AGAP1: variants seen among roughly 807,000 people sequenced by gnomAD.
AGAP1 encodes ArfGAP with GTPase domain, ankyrin repeat and PH domain 1.
AGAP1 carries 29 observed loss-of-function variants against 105.3 expected under a neutral mutation model. The observed-to-expected ratio is 0.28, with a 90% CI of 0.21 to 0.38. The LOEUF is 0.38. Ranked by LOEUF, AGAP1 falls within the 10% of genes least tolerant of loss-of-function variation. The pLI is 1.00. For missense variants in AGAP1, 998 were observed against 1,165.1 expected (o/e 0.86, Z 2.09); for synonymous variants, 509 against 485.9 (o/e 1.05, Z -0.63).
At position 235,792,283 on chromosome 2, in the gene AGAP1, C is replaced by T. The variant is rs115581508; in HGVS notation, c.674-5476C>T. 1.8e-3 allele frequency among the ~76,000 whole-genome samples: 277 copies of T among 152,266 alleles called. 3 individuals carry two copies. Among genetic ancestry groups the T allele is most frequent in the African/African-American group, 6.4e-3 (266 of 41,538 alleles). On this transcript the variant is annotated intron_variant, in intron 6 of 17. Transcript: ENST00000304032. This position sits in a 1 kb window ranked among gnomAD's most constrained non-coding sequence, Gnocchi z 5.3. ...CTTAGTTCTCTGCCCCCACTTTTCC[C>T]CACCCTTCACGTGTCATCTGGTCCC...
intron 1 of AGAP1, among the ~76,000 whole-genome samples, chr2:235,619,567 C>T (rs976193869): frequency 6.6e-6 from 1 of 152,082 alleles, no homozygotes; most frequent in African/African-American, 2.4e-5. Context: ...CTGGTCAATC[C>T]TGGGGCTGCT....
In AGAP1 at chr2:236,040,942, G is replaced by A. The variant is rs1196710348; in HGVS notation, c.1891+101G>A. ...AGGGGACTCACATCTGTCCTGTTTGGCAGATAAGAGTTAACTGCTTTTAGG... is the reference window on the plus strand; with the variant it reads ...AGGGGACTCACATCTGTCCTGTTTGACAGATAAGAGTTAACTGCTTTTAGG... On this transcript the variant is annotated intron_variant, in intron 15 of 17. Coordinates refer to ENST00000304032, the MANE Select transcript of AGAP1 (RefSeq NM_001037131.3). This position sits in a 1 kb window ranked among gnomAD's most constrained non-coding sequence, Gnocchi z 5.6. 7.7e-6 allele frequency: 9 copies of A among 1,163,026 alleles called. No homozygotes were observed. Among genetic ancestry groups the A allele is most frequent in the Admixed American group, 6.3e-5 (3 of 47,462 alleles). The allele number at this position is 1,163,026 out of a possible 1,614,324, so 72.0% of individuals were successfully genotyped here.
At chr2:236,106,967 G>A (rs867178048) in intron 16 of AGAP1, among the ~76,000 whole-genome samples, 2 of 152,110 alleles carry the variant, frequency 1.3e-5, no homozygotes, top group African/African-American at 2.4e-5. Flanking sequence ...GGGAAGCTGG[G>A]CCAAGGCCAT....
chr2:235,859,500 A>C (rs2048835705), intron 9 of AGAP1, among the ~76,000 whole-genome samples: 1 of 147,364 alleles, frequency 6.8e-6, no homozygotes, highest in Non-Finnish European at 1.5e-5. Flanking sequence ...AGGAACGACT[A>C]ATTGGTATGA....
chr2:235,588,379 A>G (rs551159170), intron 1 of AGAP1, among the ~76,000 whole-genome samples: 1 of 152,282 alleles, frequency 6.6e-6, no homozygotes, highest in Admixed American at 6.5e-5. Context: ...CCACTTCTCT[A>G]CACTCAACCA....
At position 235,724,589 on chromosome 2, in the gene AGAP1, G is replaced by A. The variant is rs754494330; in HGVS notation, c.310+6945G>A. The stretch of plus-strand genomic sequence containing the variant: ...GGAAAAGGTACCTGCGGTGGTGGGG[G>A]GAGGGGGAGTTCCCTATGTAAAGAA... On this transcript the variant is annotated intron_variant, in intron 3 of 17. Transcript: ENST00000304032. The surrounding 1 kb of genome is among the most constrained non-coding windows in gnomAD (Gnocchi z 4.9). Among the ~76,000 whole-genome samples the A allele has an allele frequency of 2.8e-4, 43 of 152,290 alleles. No individual in the cohort carries two copies. Among genetic ancestry groups the A allele is most frequent in the Middle Eastern group, 3.4e-3 (1 of 294 alleles).
At chr2:235,673,318 A>C (rs1456217298) in intron 1 of AGAP1, among the ~76,000 whole-genome samples, 2 of 152,188 alleles carry the variant, frequency 1.3e-5, no homozygotes, top group East Asian at 1.9e-4. Context: ...TTAGGTGAGA[A>C]TCTCTAAGGT....
intron 16 of AGAP1, among the ~76,000 whole-genome samples, chr2:236,116,357 C>CTTTTTTTTTTTTTTTTTTTTT (rs371846381): frequency 7.7e-6 from 1 of 129,146 alleles, no homozygotes; most frequent in African/African-American, 2.8e-5. Context: ...TAATTAAGTT[C>CTTTTTTTTTTTTTTTTTTTTT]TTTTTTTTTT....
intron 1 of AGAP1, among the ~76,000 whole-genome samples, chr2:235,696,476 G>A (rs997552318): frequency 1.3e-5 from 2 of 152,196 alleles, no homozygotes; most frequent in Non-Finnish European, 2.9e-5. Context: ...GGGTGCCCCA[G>A]CTTCCACGCT....
At chr2:235,742,408 A>G (rs549630051) in intron 4 of AGAP1, among the ~76,000 whole-genome samples, 4 of 152,358 alleles carry the variant, frequency 2.6e-5, no homozygotes, top group African/African-American at 9.6e-5. Flanking sequence ...TTCTGATTTC[A>G]AAGCTGTTAA....
At chr2:235,697,485 C>T (rs753993830) in intron 1 of AGAP1, among the ~76,000 whole-genome samples, 4 of 152,166 alleles carry the variant, frequency 2.6e-5, no homozygotes, top group Non-Finnish European at 5.9e-5. Context: ...CAGGGGGGAC[C>T]AATACCTAGT....
Position 235,615,973 on chromosome 2 carries a change from G to A in AGAP1, c.164-93206G>A, listed in dbSNP as rs941435266. Among the ~76,000 whole-genome samples, 1 of 152,018 alleles carries A rather than the reference G, an allele frequency of 6.6e-6. No homozygotes were observed. Among genetic ancestry groups the A allele is most frequent in the Non-Finnish European group, 1.5e-5 (1 of 67,998 alleles). On this transcript the variant is annotated intron_variant, in intron 1 of 17. Transcript: ENST00000304032. This position sits in a 1 kb window ranked among gnomAD's most constrained non-coding sequence, Gnocchi z 5.0. ...TAAGAAAAATATTTCCTAACTAAAG[G>A]AAATGGACACAAAATTCATAAAAGA...
Position 235,792,634 on chromosome 2 carries a change from C to G in AGAP1, c.674-5125C>G, listed in dbSNP as rs892314114. On this transcript the variant is annotated intron_variant, in intron 6 of 17. Coordinates refer to ENST00000304032, the MANE Select transcript of AGAP1 (RefSeq NM_001037131.3). This position sits in a 1 kb window ranked among gnomAD's most constrained non-coding sequence, Gnocchi z 5.3. ...AGTGAAGACGAATTTCTGAGAAACT[C>G]TGGTGGTTGAACCAATCATCTGTTA... is the stretch of plus-strand genomic sequence containing the variant. Among the ~76,000 whole-genome samples the G allele has an allele frequency of 2.6e-5, 4 of 152,192 alleles. No homozygotes were observed. Among genetic ancestry groups the G allele is most frequent in the African/African-American group, 9.6e-5 (4 of 41,454 alleles).
At chr2:235,680,479 T>C (rs1179191616) in intron 1 of AGAP1, among the ~76,000 whole-genome samples, 1 of 151,768 alleles carries the variant, frequency 6.6e-6, no homozygotes, top group Non-Finnish European at 1.5e-5. Flanking sequence ...ATGTGTGTGA[T>C]CCCCCCATCT....
At chr2:235,844,042 G>A (rs1039784913) in intron 9 of AGAP1, among the ~76,000 whole-genome samples, 11 of 152,082 alleles carry the variant, frequency 7.2e-5, no homozygotes, top group African/African-American at 1.5e-4. Flanking sequence ...GGACCACCCA[G>A]GCTCAGTCTT....
chr2:235,644,743 A>G (rs904725968), intron 1 of AGAP1, among the ~76,000 whole-genome samples: 1 of 152,138 alleles, frequency 6.6e-6, no homozygotes, highest in Admixed American at 6.5e-5. Context: ...TGTTGCGTCC[A>G]TTGGTCCACT....
At chr2:235,560,812 G>C (rs1158875275) in intron 1 of AGAP1, among the ~76,000 whole-genome samples, 1 of 152,194 alleles carries the variant, frequency 6.6e-6, no homozygotes, top group Non-Finnish European at 1.5e-5. Context: ...AAACCAGTCA[G>C]CTGAGTGGTC....
rs528004517 is a variant in AGAP1, at chr2:235,559,420, G to A, written c.163+64571G>A. On this transcript the variant is annotated intron_variant, in intron 1 of 17. Coordinates refer to ENST00000304032, the MANE Select transcript of AGAP1 (RefSeq NM_001037131.3). The surrounding 1 kb of genome is among the most constrained non-coding windows in gnomAD (Gnocchi z 5.7). ...CTGCAGACGCTGGTGGGTGCTTGCC[G>A]TGTGCCAGTGATTGATTGACGTTAG... 1.6e-3 allele frequency among the ~76,000 whole-genome samples: 241 copies of A among 152,316 alleles called. No homozygotes were observed. The highest frequency in any genetic ancestry group is 5.4e-3 in the African/African-American group (224 of 41,574).
At chr2:236,115,100 G>C (rs1253997032) in intron 16 of AGAP1, among the ~76,000 whole-genome samples, 1 of 152,214 alleles carries the variant, frequency 6.6e-6, no homozygotes, top group Non-Finnish European at 1.5e-5. Flanking sequence ...AGCCTCCCGT[G>C]CCCAGCAGGC....
Sources: allele counts gnomAD v4.1 joint callset (sites outside exome capture counted in the v4.1 genomes callset), GRCh38; gene constraint gnomAD v4.1.1; non-coding constraint Gnocchi (gnomAD v3.1); transcripts MANE v1.5; gene names NCBI Gene and HGNC (gene_info 2026-07-23, HGNC 2026-07-21).